Variants in ROBO2 observed in about 807,000 individuals in gnomAD.
ROBO2 encodes roundabout homolog 2.
ROBO2 carries 53 observed loss-of-function variants against 160.8 expected under a neutral mutation model. The ratio of observed to expected loss-of-function variants is 0.33; its 90% CI spans 0.26 to 0.41. ROBO2 has a LOEUF of 0.41. Among genes scored for constraint, ROBO2 ranks in the 10% least tolerant of loss-of-function variants. The pLI is 1.00. For synonymous variants in ROBO2, 664 were observed against 611.7 expected (o/e 1.09, Z -1.26); for missense variants, 1,577 against 1,722.4 (o/e 0.92, Z 1.49).
At chr3:76,968,351 A>G (rs1485800017) in intron 2 of ROBO2, among the ~76,000 whole-genome samples, 2 of 152,184 alleles carry the variant, frequency 1.3e-5, no homozygotes, top group Non-Finnish European at 2.9e-5. Context: ...TAATCTTAAC[A>G]TATATCAACA....
chr3:76,095,738 A>G (rs1395880895), intron 2 of ROBO2, among the ~76,000 whole-genome samples: 1 of 147,446 alleles, frequency 6.8e-6, no homozygotes, highest in Non-Finnish European at 1.5e-5. Flanking sequence ...TACAAGACAC[A>G]TAGTATGCTT....
chr3:76,428,133 C>T (rs971638946), intron 2 of ROBO2, among the ~76,000 whole-genome samples: 13 of 152,008 alleles, frequency 8.6e-5, no homozygotes, highest in African/African-American at 3.1e-4. Flanking sequence ...AGTAGTCTGT[C>T]TGTTCAGCAG....
intron 2 of ROBO2, among the ~76,000 whole-genome samples, chr3:76,497,228 C>A (rs1391523935): frequency 1.3e-5 from 2 of 152,126 alleles, no homozygotes; most frequent in African/African-American, 2.4e-5. Flanking sequence ...GTTTAAAAGT[C>A]TCTCTCTCCC....
At chr3:77,491,817 T>C (rs976146111) in intron 4 of ROBO2, among the ~76,000 whole-genome samples, 1 of 152,184 alleles carries the variant, frequency 6.6e-6, no homozygotes, top group African/African-American at 2.4e-5. Flanking sequence ...TACTCTAGCA[T>C]ATGCAGAAAA....
intron 2 of ROBO2, among the ~76,000 whole-genome samples, chr3:76,448,379 G>T (rs960000416): frequency 6.6e-6 from 1 of 152,116 alleles, no homozygotes; most frequent in East Asian, 1.9e-4. Flanking sequence ...AATATCAGCA[G>T]TGTTCTCATG....
intron 2 of ROBO2, among the ~76,000 whole-genome samples, chr3:76,339,812 T>C (rs1364627031): frequency 6.6e-6 from 1 of 152,144 alleles, no homozygotes; most frequent in Admixed American, 6.5e-5. Context: ...AATTCATATG[T>C]TTATATCTCC....
chr3:76,812,059 C>T (rs2065238667), intron 2 of ROBO2, among the ~76,000 whole-genome samples: 1 of 151,590 alleles, frequency 6.6e-6, no homozygotes, highest in East Asian at 2.0e-4. Context: ...TTAGTGCAGA[C>T]AGGGTTTCAC....
chr3:76,436,542 C>A (rs1346785338), intron 2 of ROBO2, among the ~76,000 whole-genome samples: 2 of 152,126 alleles, frequency 1.3e-5, no homozygotes, highest in Admixed American at 1.3e-4. Flanking sequence ...CAAACACTTA[C>A]CAAAATAGGC....
At chr3:76,060,548 G>T (rs2068038155) in intron 2 of ROBO2, among the ~76,000 whole-genome samples, 1 of 152,174 alleles carries the variant, frequency 6.6e-6, no homozygotes, top group African/African-American at 2.4e-5. Context: ...ACAAAAGGTG[G>T]TCATTTTGAA....
chr3:76,442,657 A>C (rs1193171486), intron 2 of ROBO2, among the ~76,000 whole-genome samples: 4 of 152,100 alleles, frequency 2.6e-5, no homozygotes, highest in African/African-American at 9.7e-5. Flanking sequence ...TTCAAATTGC[A>C]TGCTCTTCTG....
At chr3:76,833,497 A>T (rs1387555668) in intron 2 of ROBO2, among the ~76,000 whole-genome samples, 2 of 152,224 alleles carry the variant, frequency 1.3e-5, no homozygotes, top group Non-Finnish European at 2.9e-5. Flanking sequence ...ATATGAGGAA[A>T]CAGAGTGAAG....
chr3:76,925,076 C>T (rs372356774), intron 2 of ROBO2, among the ~76,000 whole-genome samples: 1 of 151,010 alleles, frequency 6.6e-6, no homozygotes, highest in Admixed American at 6.6e-5. Context: ...GGCGTAGTGG[C>T]GGGCACCTGT....
intron 2 of ROBO2, among the ~76,000 whole-genome samples, chr3:76,069,270 G>A (rs1183594791): frequency 6.6e-6 from 1 of 152,164 alleles, no homozygotes; most frequent in Non-Finnish European, 1.5e-5. Context: ...AAGTTGGCCA[G>A]CTCAATAAAT....
At chr3:76,083,227 A>G (rs899799938) in intron 2 of ROBO2, among the ~76,000 whole-genome samples, 10 of 152,194 alleles carry the variant, frequency 6.6e-5, no homozygotes, top group South Asian at 2.1e-4. Flanking sequence ...GTAGAGATAT[A>G]TAAATCATTA....
At chr3:76,228,571 G>T (rs1284031205) in intron 2 of ROBO2, among the ~76,000 whole-genome samples, 1 of 152,020 alleles carries the variant, frequency 6.6e-6, no homozygotes, top group Non-Finnish European at 1.5e-5. Flanking sequence ...ATTCATAAAA[G>T]AACAAATTCT....
At position 76,577,582 on chromosome 3, in the gene ROBO2, C is replaced by T. The variant is rs1048334806; in HGVS notation, c.110-520432C>T. On this transcript the variant is annotated intron_variant, in intron 2 of 26. Transcript: ENST00000487694. ...AAGCAGTTTATACATGCTTCAATCACACCTGAAATGTAGCCAGTGACACCA... is the reference window on the plus strand; with the variant it reads ...AAGCAGTTTATACATGCTTCAATCATACCTGAAATGTAGCCAGTGACACCA... 5.9e-5 allele frequency among the ~76,000 whole-genome samples: 9 copies of T among 152,188 alleles called. No homozygotes were observed. In the East Asian group the frequency reaches 1.5e-3, roughly 26 times the overall value.
chr3:76,382,742 C>A (rs2076699266), intron 2 of ROBO2, among the ~76,000 whole-genome samples: 1 of 152,068 alleles, frequency 6.6e-6, no homozygotes, highest in Non-Finnish European at 1.5e-5. Flanking sequence ...AGGGAAGGGA[C>A]AATTACAGAA....
rs538020982 is a variant in ROBO2 at position 76,827,791 on chromosome 3, G to A, written c.110-270223G>A. Among the ~76,000 whole-genome samples the A allele has an allele frequency of 2.0e-4, 31 of 151,852 alleles. No individual in the cohort carries two copies. In the South Asian group the frequency reaches 6.2e-3, roughly 30 times the overall value. ...ACAAACTCATTGCCTAGTACTTAGT[G>A]TAGCAGCTTGGAAAAAAAAAAGTCA... On this transcript the variant is annotated intron_variant, in intron 2 of 26. Coordinates refer to the ROBO2 transcript ENST00000487694.
At chr3:76,220,662 T>C (rs1162286078) in intron 2 of ROBO2, among the ~76,000 whole-genome samples, 2 of 152,164 alleles carry the variant, frequency 1.3e-5, no homozygotes, top group Non-Finnish European at 2.9e-5. Flanking sequence ...AAGACATTCT[T>C]TGAGTGGTGT....
Sources: allele counts gnomAD v4.1 joint callset (sites outside exome capture counted in the v4.1 genomes callset), GRCh38; gene constraint gnomAD v4.1.1; transcripts MANE v1.5; gene names NCBI Gene and HGNC (gene_info 2026-07-23, HGNC 2026-07-21).